Variants in COG5 observed in about 807,000 individuals in gnomAD.
COG5 encodes the protein component of oligomeric golgi complex 5.
In COG5, 86 loss-of-function variants were observed where a neutral mutation model predicts 110.4. The observed-to-expected ratio is 0.78, with a 90% CI of 0.65 to 0.93. The LOEUF (loss-of-function observed/expected upper bound fraction) is 0.93. Ranked by LOEUF, COG5 falls within the 40% of genes least tolerant of loss-of-function variation. COG5 has a pLI of 0.00. For missense variants in COG5, 1,077 were observed against 987.0 expected (o/e 1.09, Z -1.22); for synonymous variants, 360 against 334.6 (o/e 1.08, Z -0.83).
intron 5 of COG5, among the ~76,000 whole-genome samples, chr7:107,541,573 T>A (rs142894012): frequency 7.3e-6 from 1 of 137,914 alleles, no homozygotes; most frequent in African/African-American, 2.7e-5. Flanking sequence ...TTTATATAAA[T>A]GAAATTGAAA....
At chr7:107,494,628 C>G (rs972924750) in intron 6 of COG5, among the ~76,000 whole-genome samples, 4 of 152,134 alleles carry the variant, frequency 2.6e-5, no homozygotes, top group Non-Finnish European at 4.4e-5. Context: ...TAAATACACT[C>G]TATGATGTTT....
chr7:107,537,273 T>A (rs560355764), intron 5 of COG5, among the ~76,000 whole-genome samples: 1 of 152,272 alleles, frequency 6.6e-6, no homozygotes, highest in South Asian at 2.1e-4. Flanking sequence ...CATTCTACTA[T>A]AAAGATACAC....
chr7:107,249,566 A>T (rs916059719), intron 16 of COG5, among the ~76,000 whole-genome samples: 4 of 152,104 alleles, frequency 2.6e-5, no homozygotes, highest in African/African-American at 9.7e-5. Flanking sequence ...ATGAAGATAG[A>T]TAGTTTTGGC....
intron 10 of COG5, among the ~76,000 whole-genome samples, chr7:107,357,754 G>C (rs1487191193): frequency 1.3e-5 from 2 of 151,956 alleles, no homozygotes; most frequent in African/African-American, 4.8e-5. Flanking sequence ...CTATAACCTT[G>C]AACTCCTAGG....
chr7:107,229,321 TTCC>T (rs1177166341), intron 19 of COG5, among the ~76,000 whole-genome samples: 1 of 152,068 alleles, frequency 6.6e-6, no homozygotes, highest in East Asian at 1.9e-4. Flanking sequence ...TGGTGGCGTG[TTCC>T]TGTAATCCCA....
At chr7:107,453,738 A>G (rs934777248) in intron 6 of COG5, among the ~76,000 whole-genome samples, 24 of 152,232 alleles carry the variant, frequency 1.6e-4, no homozygotes, top group Non-Finnish European at 2.8e-4. Context: ...TTCTACTAGT[A>G]TAAGAGTTCA....
In COG5 at chr7:107,298,244, T is replaced by A. The variant is rs189560910; in HGVS notation, c.1211A>T (p.Gln404Leu). 1 of 1,613,392 alleles carries A rather than the reference T, an allele frequency of 6.2e-7. No homozygotes were observed. The highest frequency in any genetic ancestry group is 8.5e-7 in the Non-Finnish European group (1 of 1,179,570). The change falls in exon 12 of 22, where the codon CAA (glutamine) becomes CTA (leucine). Residue 404 changes from glutamine (Q) to leucine (L), a missense_variant. Physicochemically the swap from Gln to Leu is moderately radical, Grantham distance 113. Transcript: ENST00000297135. ...KRLQQYSQHI[Q>L]GNFNASGTTD... is the part of the protein sequence containing the mutation. ...AGTTCCACTTGCATTAAAATTCCCT[T>A]GGATATGCTGACTGTATTGTTGAAG...
intron 21 of COG5, among the ~76,000 whole-genome samples, chr7:107,206,100 A>G (rs1798760540): frequency 6.6e-6 from 1 of 152,044 alleles, no homozygotes; most frequent in South Asian, 2.1e-4. Flanking sequence ...AGCTGGGACT[A>G]CAGGCGCCCG....
Position 107,533,840 on chromosome 7 carries a change from G to C in COG5, c.418-6483C>G, listed in dbSNP as rs142488279. On this transcript the variant is annotated intron_variant, in intron 5 of 21. Transcript: ENST00000297135. ...AGACCACTAAGATACTCCTCAAGAA[G>C]AACAACCCCAAGACAGATAATCATC... Among the ~76,000 whole-genome samples the C allele has an allele frequency of 4.6e-3, 691 of 151,482 alleles. 34 individuals carry two copies. Among genetic ancestry groups the C allele is most frequent in the African/African-American group, 0.016 (654 of 40,838 alleles).
chr7:107,317,811 G>A (rs777073585), intron 11 of COG5, among the ~76,000 whole-genome samples: 17 of 152,036 alleles, frequency 1.1e-4, no homozygotes, highest in Non-Finnish European at 2.2e-4. Flanking sequence ...ACAAAAACCC[G>A]GAATTAACAT....
chr7:107,490,110 G>A (rs1025960860), intron 6 of COG5, among the ~76,000 whole-genome samples: 2 of 152,146 alleles, frequency 1.3e-5, no homozygotes, highest in African/African-American at 2.4e-5. Flanking sequence ...TAAAAGGAAT[G>A]ATTATGATTT....
At chr7:107,504,915 C>G (rs531468114) in intron 6 of COG5, among the ~76,000 whole-genome samples, 1 of 152,022 alleles carries the variant, frequency 6.6e-6, no homozygotes, top group African/African-American at 2.4e-5. Flanking sequence ...GCTTAATGGT[C>G]TATCCATTTT....
At chr7:107,537,527 G>A (rs536494270) in intron 5 of COG5, among the ~76,000 whole-genome samples, 2 of 152,164 alleles carry the variant, frequency 1.3e-5, no homozygotes, top group South Asian at 4.1e-4. Flanking sequence ...CTCATCAGTG[G>A]GAGCTGAACA....
At chr7:107,295,925 G>C (rs1418065304) in intron 12 of COG5, among the ~76,000 whole-genome samples, 1 of 151,990 alleles carries the variant, frequency 6.6e-6, no homozygotes, top group Non-Finnish European at 1.5e-5. Context: ...CAAGTAGCTG[G>C]GATTACAGGC....
chr7:107,383,369 C>A (rs183863744), intron 7 of COG5, among the ~76,000 whole-genome samples: 18 of 152,278 alleles, frequency 1.2e-4, no homozygotes, highest in Admixed American at 1.0e-3. Context: ...TTAAAAGGCA[C>A]AGCGCAGGTG....
At chr7:107,429,429 G>A (rs763413967) in intron 6 of COG5, among the ~76,000 whole-genome samples, 1 of 151,638 alleles carries the variant, frequency 6.6e-6, no homozygotes, top group Non-Finnish European at 1.5e-5. Context: ...ATCTTCTCTG[G>A]AGAAACGCCT....
intron 6 of COG5, among the ~76,000 whole-genome samples, chr7:107,460,329 G>C (rs898452611): frequency 7.2e-5 from 11 of 152,052 alleles, no homozygotes; most frequent in African/African-American, 2.2e-4. Context: ...CTTGAGCCCA[G>C]GAGGTCGAGG....
At chr7:107,499,000 G>A (rs1056703780) in intron 6 of COG5, among the ~76,000 whole-genome samples, 5 of 152,168 alleles carry the variant, frequency 3.3e-5, no homozygotes, top group African/African-American at 1.2e-4. Flanking sequence ...ATGCAACAAT[G>A]TGGATGAATC....
intron 7 of COG5, among the ~76,000 whole-genome samples, chr7:107,388,170 C>A (rs1337560346): frequency 6.6e-6 from 1 of 152,186 alleles, no homozygotes; most frequent in African/African-American, 2.4e-5. Flanking sequence ...AGCTCACAGG[C>A]AATCTCCACA....
Sources: allele counts gnomAD v4.1 joint callset (sites outside exome capture counted in the v4.1 genomes callset), GRCh38; gene constraint gnomAD v4.1.1; transcripts MANE v1.5; gene names NCBI Gene and HGNC (gene_info 2026-07-23, HGNC 2026-07-21).